UNC45B: variants seen among roughly 807,000 people sequenced by gnomAD.
UNC45B encodes the protein unc-45 myosin chaperone B.
A neutral mutation model predicts 98.7 loss-of-function variants in UNC45B; 78 were observed. That is an observed-to-expected ratio of 0.79 (90% CI 0.66 to 0.95). The LOEUF (loss-of-function observed/expected upper bound fraction) is 0.95, where lower values mean the gene tolerates loss of function less well. Ranked by LOEUF, UNC45B falls within the 40% of genes least tolerant of loss-of-function variation. The pLI is 0.00. For synonymous variants in UNC45B, 462 were observed against 480.4 expected (o/e 0.96, Z 0.50); for missense variants, 1,225 against 1,184.9 (o/e 1.03, Z -0.50).
In UNC45B at chr17:35,148,255, T is replaced by C. The variant is rs1267598220; in HGVS notation, c.1-9T>C. On this transcript the variant is annotated splice_polypyrimidine_tract_variant and intron_variant, in intron 1 of 19. Transcript: ENST00000394570. Reference sequence around the variant, plus strand: ...GGCTGACCAGACAGAGCTTCTCCTGTCCCAGCAGATGGCAGAGGTGGAAGC... The same window carrying C: ...GGCTGACCAGACAGAGCTTCTCCTGCCCCAGCAGATGGCAGAGGTGGAAGC... The C allele has an allele frequency of 6.2e-7, 1 of 1,613,840 alleles. No individual in the cohort carries two copies. The highest frequency in any genetic ancestry group is 1.7e-5 in the Admixed American group (1 of 59,992).
rs1295556678 is a variant in UNC45B at position 35,187,462 on chromosome 17, A to G, written c.*903A>G. 1 of 152,222 alleles carries G rather than the reference A, an allele frequency of 6.6e-6. No homozygotes were observed. Among genetic ancestry groups the G allele is most frequent in the Non-Finnish European group, 1.5e-5 (1 of 68,038 alleles). The allele number at this position is 152,222 out of a possible 1,614,324, so 9.4% of individuals were successfully genotyped here. A position where few individuals can be genotyped will look rare whatever the true frequency, so the allele number is the denominator to read the frequency against. On this transcript the variant is annotated 3_prime_UTR_variant, in exon 20 of 20. Transcript: ENST00000394570. ...TAGTTGTTATAGTTCATTATGGAAT[A>G]GAAGAGAGAAGAGCATTCTCAATAA...
chr17:35,158,899 C>A (rs1039629521), intron 7 of UNC45B, among the ~76,000 whole-genome samples: 1 of 152,152 alleles, frequency 6.6e-6, no homozygotes, highest in Non-Finnish European at 1.5e-5. Context: ...AGGCATTTGC[C>A]TTTTAAGATC....
At chr17:35,150,417 G>A (rs994566183) in intron 4 of UNC45B, among the ~76,000 whole-genome samples, 194 bp downstream of exon 4, 6 of 152,194 alleles carry the variant, frequency 3.9e-5, no homozygotes, top group Non-Finnish European at 7.3e-5. Context: ...GCTTGTTTGA[G>A]GGCACAAGCC....
intron 13 of UNC45B, 74 bp downstream of exon 13, chr17:35,171,536 G>A: frequency 6.4e-7 from 1 of 1,562,346 alleles, no homozygotes; most frequent in Non-Finnish European, 8.7e-7. Context: ...ACGGCAAAAG[G>A]AGTGGTGTCA....
In UNC45B at chr17:35,167,259, A is replaced by C. The variant is rs143146390; in HGVS notation, c.1152-802A>C. Among the ~76,000 whole-genome samples, 3 of 152,248 alleles carry C rather than the reference A, an allele frequency of 2.0e-5. No individual in the cohort carries two copies. In the East Asian group the frequency reaches 5.8e-4, roughly 29 times the overall value. Reference sequence around the variant, plus strand: ...TGTCAGCTGACAGCTCTCAGCTGTTATCTCTCTTTGGGACTTGTCTCACCT... The same window carrying C: ...TGTCAGCTGACAGCTCTCAGCTGTTCTCTCTCTTTGGGACTTGTCTCACCT... On this transcript the variant is annotated intron_variant, in intron 9 of 19. Transcript: ENST00000394570.
At chr17:35,174,874 G>A (rs1306937374) in intron 14 of UNC45B, among the ~76,000 whole-genome samples, 1 of 149,438 alleles carries the variant, frequency 6.7e-6, no homozygotes, top group Non-Finnish European at 1.5e-5. Context: ...AGAAAGGAAG[G>A]GATGGCGGAA....
At position 35,155,428 on chromosome 17, in the gene UNC45B, C is replaced by T. The variant is rs775682897; in HGVS notation, c.772C>T (p.Arg258Trp). ...IIDSLSGEDKREHRGKEEALV... is the reference protein window; with the variant it reads ...IIDSLSGEDKWEHRGKEEALV... ...TGACTCCTTGTCTGGGGAGGACAAG[C>T]GGGAGCATCGAGGGAAGGAGGAGGC... Residue 258 changes from arginine to tryptophan, a missense_variant, in exon 7 of 20, where the codon CGG (arginine) becomes TGG (tryptophan). Transcript: ENST00000394570. 6.8e-6 allele frequency: 11 copies of T among 1,613,968 alleles called. No individual in the cohort carries two copies. In the South Asian group the frequency reaches 8.8e-5, roughly 13 times the overall value.
chr17:35,182,142 T>C (rs1368720648), intron 18 of UNC45B, among the ~76,000 whole-genome samples: 1 of 150,444 alleles, frequency 6.6e-6, no homozygotes, highest in Non-Finnish European at 1.5e-5. Context: ...CAGGGTAGAG[T>C]GCAGTGGTGT....
At chr17:35,174,656 C>CA (rs535444866) in intron 14 of UNC45B, among the ~76,000 whole-genome samples, 101 of 151,982 alleles carry the variant, frequency 6.6e-4, no homozygotes, top group African/African-American at 2.4e-3. Flanking sequence ...CCCATCTGTA[C>CA]AAAAAAATTT....
At chr17:35,184,427 G>A (rs1269300879) in intron 19 of UNC45B, among the ~76,000 whole-genome samples, 1 of 152,156 alleles carries the variant, frequency 6.6e-6, no homozygotes, top group East Asian at 1.9e-4. Context: ...ATTGGGGGTG[G>A]GAGGCTAACA....
rs1158137765 is a variant in UNC45B, at chr17:35,168,238, G to C, written c.1329G>C (p.Glu443Asp). The change falls in exon 10 of 20, where the codon GAG becomes GAC. Residue 443 changes from glutamate (E) to aspartate (D), a missense_variant. Physicochemically the swap from Glu to Asp is conservative, Grantham distance 45. Coordinates refer to ENST00000394570, the MANE Select transcript of UNC45B (RefSeq NM_001267052.2). ...AGACGGACCAGCTGGTGGCCGTGGA[G>C]GCCCTCATCCATGCCTCCACGAAGC... The part of the protein sequence containing the change: ...ERETDQLVAV[E>D]ALIHASTKLS... 3.8e-6 allele frequency: 6 copies of C among 1,587,462 alleles called. No homozygotes were observed. The highest frequency in any genetic ancestry group is 5.1e-6 in the Non-Finnish European group (6 of 1,166,236).
At chr17:35,152,750 A>G in intron 4 of UNC45B, 143 bp from the exon 5 acceptor site, 2 of 733,648 alleles carry the variant, frequency 2.7e-6, no homozygotes. Context: ...TATCCAGTAA[A>G]TGTTTGTCGA....
rs550669824 is a variant in UNC45B, at chr17:35,180,721, C to T, written c.2373+45C>T. 3.2e-5 allele frequency: 49 copies of T among 1,515,452 alleles called. 2 individuals carry two copies. The South Asian group carries it at 4.3e-4, about 13-fold the overall frequency. The allele number at this position is 1,515,452 out of a possible 1,614,324, so 93.9% of individuals were successfully genotyped here. A position where few individuals can be genotyped will look rare whatever the true frequency, so the allele number is the denominator to read the frequency against. ...TGGAGACCCGGGCGTGATCAAGGCA[C>T]GAGAGGCAGGCCAGGGTCAGGGCCT... On this transcript the variant is annotated intron_variant, in intron 18 of 19. Transcript: ENST00000394570.
rs1337426121 is a variant in UNC45B, at chr17:35,180,662, G to A, written c.2359G>A (p.Val787Met). The change falls in exon 18 of 20, where the codon GTG (valine) becomes ATG (methionine). Residue 787 changes from valine (V) to methionine (M), a missense_variant. Transcript: ENST00000394570. The part of the protein sequence containing the change: ...QAATECMCNM[V>M]LHKEVQERFL... The stretch of plus-strand genomic sequence containing the variant: ...GGCCACCGAGTGCATGTGCAACATG[G>A]TGCTCCACAAGGAGGTGAGGCAGGG... The A allele has an allele frequency of 3.1e-6, 5 of 1,613,526 alleles. No individual in the cohort carries two copies. The highest frequency in any genetic ancestry group is 4.2e-6 in the Non-Finnish European group (5 of 1,179,850).
intron 19 of UNC45B, among the ~76,000 whole-genome samples, chr17:35,185,982 T>C (rs967456534): frequency 9.9e-5 from 15 of 152,006 alleles, no homozygotes; most frequent in African/African-American, 3.6e-4. Context: ...TTGGTGAAGG[T>C]CTTGTGCTGT....
Position 35,169,836 on chromosome 17 carries a change from G to A in UNC45B, c.1453-1G>A, listed in dbSNP as rs2092169843. 2 of 1,614,066 alleles carry A rather than the reference G, an allele frequency of 1.2e-6. No homozygotes were observed. Among genetic ancestry groups the A allele is most frequent in the Non-Finnish European group, 1.7e-6 (2 of 1,179,986 alleles). Reference sequence around the variant, plus strand: ...TGTCTGCTGTCTCCTCTCCTCCTCAGGGACTCTGTAAGCTCGGCTCTGCAG... The same window carrying A: ...TGTCTGCTGTCTCCTCTCCTCCTCAAGGACTCTGTAAGCTCGGCTCTGCAG... On this transcript the variant is annotated splice_acceptor_variant, in intron 10 of 19. Coordinates refer to ENST00000394570, the MANE Select transcript of UNC45B (RefSeq NM_001267052.2). LOFTEE classifies it high-confidence loss of function.
In UNC45B at chr17:35,188,545, C is replaced by G. The variant is rs2092316570; in HGVS notation, c.*1986C>G. ...GTGCAGTGCAGTGGTGCAGTCATGGCTCACCGCAGCCTTGGTCTCCTGGGC... is the reference window on the plus strand; with the variant it reads ...GTGCAGTGCAGTGGTGCAGTCATGGGTCACCGCAGCCTTGGTCTCCTGGGC... On this transcript the variant is annotated 3_prime_UTR_variant, in exon 20 of 20. Transcript: ENST00000394570. The G allele has an allele frequency of 6.6e-6, 1 of 150,870 alleles. No homozygotes were observed. The highest frequency in any genetic ancestry group is 2.4e-5 in the African/African-American group (1 of 40,958). The allele number at this position is 150,870 out of a possible 1,614,324, so 9.3% of individuals were successfully genotyped here.
chr17:35,173,630 C>A lies in UNC45B; in HGVS notation c.1831-612C>A, dbSNP rs116754880. Among the ~76,000 whole-genome samples the A allele has an allele frequency of 2.0e-3, 306 of 152,170 alleles. 3 individuals are homozygous for A. Among genetic ancestry groups the A allele is most frequent in the African/African-American group, 7.1e-3 (294 of 41,516 alleles). On this transcript the variant is annotated intron_variant, in intron 13 of 19. Coordinates refer to ENST00000394570, the MANE Select transcript of UNC45B (RefSeq NM_001267052.2). The stretch of plus-strand genomic sequence containing the variant: ...TGACCTCACTTCCATTCCATTGTTA[C>A]ATCTCCTAGTACTAACTCTGATCTT...
intron 15 of UNC45B, 128 bp downstream of exon 15, chr17:35,176,162 C>A: frequency 1.1e-6 from 1 of 878,678 alleles, no homozygotes; most frequent in Non-Finnish European, 1.8e-6. Flanking sequence ...GCTGTCTGTG[C>A]TCATAGCCCC....
Sources: gnomAD v4.1 joint callset for allele counts (sites outside exome capture counted in the v4.1 genomes callset) on GRCh38, gnomAD v4.1.1 for gene constraint, MANE v1.5 for transcripts, NCBI Gene and HGNC (gene_info 2026-07-23, HGNC 2026-07-21) for gene names.